The following XRRA1 variants were observed in gnomAD, a reference collection of about 807,000 sequenced individuals.
The protein encoded by XRRA1 is X-ray radiation resistance associated 1.
In XRRA1, 69 loss-of-function variants were observed where a neutral mutation model predicts 80.2. That is an observed-to-expected ratio of 0.86 (90% CI 0.71 to 1.05). The LOEUF is 1.05. Among genes scored for constraint, XRRA1 ranks in the 50% least tolerant of loss-of-function variants. The pLI is 0.00. For missense variants in XRRA1, 967 were observed against 976.4 expected (o/e 0.99, Z 0.13); for synonymous variants, 348 against 389.9 (o/e 0.89, Z 1.27).
chr11:74,869,726 C>A (rs1392396404), intron 10 of XRRA1, among the ~76,000 whole-genome samples: 1 of 152,100 alleles, frequency 6.6e-6, no homozygotes, highest in African/African-American at 2.4e-5. Flanking sequence ...ATGCAGATGG[C>A]ACACCTGGTC....
chr11:74,843,837 C>G lies in XRRA1; in HGVS notation c.2149+17G>C. The G allele has an allele frequency of 6.3e-7, 1 of 1,593,794 alleles. No individual in the cohort carries two copies. The highest frequency in any genetic ancestry group is 1.3e-5 in the African/African-American group (1 of 74,702). ...TGAACTGGATCTGGGATCCTGGCAG[C>G]TGTGGCAGAGCCGTACCTAGTGGAG... On this transcript the variant is annotated intron_variant, in intron 18 of 18. Transcript: ENST00000684022.
chr11:74,928,592 G>A (rs1224636469), intron 6 of XRRA1, among the ~76,000 whole-genome samples: 1 of 152,140 alleles, frequency 6.6e-6, no homozygotes, highest in Admixed American at 6.5e-5. Context: ...GAACTCCATT[G>A]AAGAGAAACT....
At position 74,933,962 on chromosome 11, in the gene XRRA1, T is replaced by C. The variant is rs764407110; in HGVS notation, c.280-90A>G. On this transcript the variant is annotated intron_variant, in intron 4 of 18. Transcript: ENST00000684022. ...TCAGCCTTCTCTTGTTGGGCAATCA[T>C]ATACTTGTCATAATTTGTTTGCTTG... is the stretch of plus-strand genomic sequence containing the variant. The C allele has an allele frequency of 3.4e-4, 379 of 1,121,934 alleles. 2 individuals are homozygous for C. Among genetic ancestry groups the C allele is most frequent in the Admixed American group, 7.3e-4 (32 of 43,868 alleles). 69.5% of individuals were successfully genotyped at this position (1,121,934 alleles called of 1,614,324 possible).
At chr11:74,931,506 G>A (rs10899051) in intron 5 of XRRA1, among the ~76,000 whole-genome samples, 38,602 of 151,598 alleles carry the variant, frequency 0.25, 5,821 homozygotes, top group East Asian at 0.53. Flanking sequence ...TTTATTTTTA[G>A]TAGGGACAAG....
intron 4 of XRRA1, among the ~76,000 whole-genome samples, chr11:74,934,673 G>A (rs1446643074): frequency 6.6e-6 from 1 of 152,112 alleles, no homozygotes; most frequent in Non-Finnish European, 1.5e-5. Context: ...ACCAAGGCAG[G>A]AAAAAGCAAG....
chr11:74,910,159 T>G (rs960910043), intron 8 of XRRA1: 2 of 152,184 alleles, frequency 1.3e-5, no homozygotes, highest in African/African-American at 4.8e-5. Context: ...TCAGATCAGC[T>G]TCTGTGTTAA....
intron 8 of XRRA1, 120 bp from the exon 9 acceptor site, chr11:74,907,393 G>T: frequency 7.5e-7 from 1 of 1,330,910 alleles, no homozygotes; most frequent in Non-Finnish European, 1.0e-6. Context: ...AACGGTTCTA[G>T]TGCCCAAAAG....
chr11:74,946,083 C>T (rs1182431188), intron 1 of XRRA1, among the ~76,000 whole-genome samples: 1 of 152,098 alleles, frequency 6.6e-6, no homozygotes, highest in Non-Finnish European at 1.5e-5. Context: ...CCACCTTAGC[C>T]TCCCAAGTAG....
intron 10 of XRRA1, 138 bp downstream of exon 10, chr11:74,906,101 A>T: frequency 1.3e-6 from 1 of 763,332 alleles, no homozygotes; most frequent in Non-Finnish European, 2.1e-6. Flanking sequence ...CCAAACATAG[A>T]TGCAAACATC....
chr11:74,938,778 C>A (rs1273182979), intron 3 of XRRA1, among the ~76,000 whole-genome samples: 3 of 152,074 alleles, frequency 2.0e-5, no homozygotes, highest in Non-Finnish European at 4.4e-5. Context: ...TTCAGCTCCT[C>A]CCCAGGGGTT....
chr11:74,891,690 G>C (rs1018211510), intron 10 of XRRA1, among the ~76,000 whole-genome samples: 1 of 152,068 alleles, frequency 6.6e-6, no homozygotes, highest in African/African-American at 2.4e-5. Context: ...TAAGCTGATA[G>C]GCAACTTCAG....
chr11:74,882,893 G>A (rs529663157), intron 10 of XRRA1, among the ~76,000 whole-genome samples: 58 of 152,328 alleles, frequency 3.8e-4, no homozygotes, highest in African/African-American at 1.4e-3. Context: ...TGCATGCTGG[G>A]ATAACCACTG....
At chr11:74,852,151 C>T in intron 12 of XRRA1, 69 bp from the exon 13 acceptor site, 1 of 1,309,832 alleles carries the variant, frequency 7.6e-7, no homozygotes, top group Non-Finnish European at 1.1e-6. Flanking sequence ...ATGTCTAGGC[C>T]CCTCACTGCA....
rs570138133 is a variant in XRRA1, at chr11:74,843,779, A to C, written c.2149+75T>G. 4.0e-5 allele frequency: 54 copies of C among 1,349,864 alleles called. No homozygotes were observed. The East Asian group carries it at 1.2e-3, about 31-fold the overall frequency. 83.6% of individuals were successfully genotyped at this position (1,349,864 alleles called of 1,614,324 possible). ...CTCTAAGGGCCTTTCCTGCACTGAC[A>C]CAAGCCCTTTCTTTGCCTTTAGCCA... On this transcript the variant is annotated intron_variant, in intron 18 of 18. Coordinates refer to ENST00000684022, the MANE Select transcript of XRRA1 (RefSeq NM_001378157.1).
intron 4 of XRRA1, among the ~76,000 whole-genome samples, chr11:74,936,180 A>G (rs1944947097): frequency 6.6e-6 from 1 of 152,260 alleles, no homozygotes; most frequent in African/African-American, 2.4e-5. Flanking sequence ...GATTTACAAA[A>G]TGCATCCTTC....
rs373727157 is a variant in XRRA1, at chr11:74,844,170, G to A, written c.2041C>T (p.Arg681Trp). 19 of 1,613,026 alleles carry A rather than the reference G, an allele frequency of 1.2e-5. No homozygotes were observed. Among genetic ancestry groups the A allele is most frequent in the African/African-American group, 5.3e-5 (4 of 74,888 alleles). ...CATTCAGTGAGCTGGATGTTTACCC[G>A]TTTCTCTTTGTGAACATAGGGTTTC... ...LQKPYVHKEK[R>W]AQRIPIPPPK... is the part of the protein sequence containing the mutation. Residue 681 changes from arginine to tryptophan, a missense_variant and splice_region_variant, in exon 17 of 19, where the codon CGG (arginine) becomes TGG (tryptophan). Physicochemically the swap from Arg to Trp is moderately radical, Grantham distance 101 (BLOSUM62 -3). Coordinates refer to ENST00000684022, the MANE Select transcript of XRRA1 (RefSeq NM_001378157.1).
At chr11:74,919,580 C>A in intron 8 of XRRA1, 1 of 491,774 alleles carries the variant, frequency 2.0e-6, no homozygotes, top group East Asian at 5.3e-5. Flanking sequence ...AGCCGGGACC[C>A]GGCAGAATGG....
At chr11:74,945,959 A>G (rs1443600404) in intron 1 of XRRA1, among the ~76,000 whole-genome samples, 1 of 150,690 alleles carries the variant, frequency 6.6e-6, no homozygotes, top group Non-Finnish European at 1.5e-5. Flanking sequence ...TTCTTTTTTT[A>G]TTTATTTTTT....
intron 10 of XRRA1, among the ~76,000 whole-genome samples, chr11:74,883,478 C>T (rs868862207): frequency 5.9e-5 from 9 of 152,124 alleles, no homozygotes; most frequent in South Asian, 2.1e-4. Flanking sequence ...TCTTCTGTGT[C>T]GCTCACGCTG....
Sources: gnomAD v4.1 joint callset for allele counts (sites outside exome capture counted in the v4.1 genomes callset) on GRCh38, gnomAD v4.1.1 for gene constraint, MANE v1.5 for transcripts, NCBI Gene and HGNC (gene_info 2026-07-23, HGNC 2026-07-21) for gene names.